DENND2B: variants seen among roughly 807,000 people sequenced by gnomAD.
DENND2B encodes the protein DENN domain-containing protein 2B.
In DENND2B, 32 loss-of-function variants were observed where a neutral mutation model predicts 116.0. That is an observed-to-expected ratio of 0.28 (90% CI 0.21 to 0.37). The LOEUF (loss-of-function observed/expected upper bound fraction) is 0.37. Among genes scored for constraint, DENND2B ranks in the 10% least tolerant of loss-of-function variants. DENND2B has a pLI of 1.00. For missense variants in DENND2B, 1,276 were observed against 1,477.7 expected, an observed-to-expected ratio of 0.86 and a Z score of 2.24; for synonymous variants, 588 against 583.9, an observed-to-expected ratio of 1.01 and a Z score of -0.10.
At chr11:8,725,823 ATGT>A (rs2046998430) in intron 4 of DENND2B, among the ~76,000 whole-genome samples, 2 of 152,180 alleles carry the variant, frequency 1.3e-5, no homozygotes, top group Non-Finnish European at 2.9e-5. Flanking sequence ...GAAAGGAATG[ATGT>A]TGTTTTCTCC....
chr11:8,764,535 CCA>C (rs1334151774), intron 1 of DENND2B, among the ~76,000 whole-genome samples: 3 of 152,160 alleles, frequency 2.0e-5, no homozygotes, highest in Non-Finnish European at 4.4e-5. Context: ...GCAGCAGACC[CCA>C]GAGTCTGGAG....
intron 2 of DENND2B, among the ~76,000 whole-genome samples, chr11:8,743,641 G>A (rs2050672010): frequency 6.6e-6 from 1 of 152,122 alleles, no homozygotes; most frequent in African/African-American, 2.4e-5. Context: ...TTATGAGTGG[G>A]TCCTGTAAAT....
chr11:8,725,949 G>A (rs909872731), intron 4 of DENND2B, 124 bp downstream of exon 4: 32 of 1,391,482 alleles, frequency 2.3e-5, no homozygotes, highest in South Asian at 1.6e-4. Flanking sequence ...CATTCCAGGA[G>A]GAGTTCCAGA....
At chr11:8,901,174 G>A (rs1013813270) in intron 1 of DENND2B, among the ~76,000 whole-genome samples, 4 of 148,372 alleles carry the variant, frequency 2.7e-5, no homozygotes. Flanking sequence ...CTTCCTTTGG[G>A]TTTAGTTTGT....
intron 2 of DENND2B, among the ~76,000 whole-genome samples, chr11:8,863,661 T>C (rs1419846910): frequency 6.6e-6 from 1 of 152,190 alleles, no homozygotes; most frequent in Non-Finnish European, 1.5e-5. Flanking sequence ...ATATTGCTGA[T>C]TAACTGGACA....
At chr11:8,871,776 T>C (rs2063785806), upstream of DENND2B, among the ~76,000 whole-genome samples, 1 of 152,214 alleles carries the variant, frequency 6.6e-6, no homozygotes, top group Non-Finnish European at 1.5e-5. Flanking sequence ...GGGTGCCATT[T>C]AATAATAAAG....
upstream of DENND2B, chr11:8,811,074 T>C (rs373409547): frequency 2.6e-6 from 1 of 387,540 alleles, no homozygotes; most frequent in Non-Finnish European, 4.6e-6. Context: ...GGGAGGGAGC[T>C]AGCTGAAGCG....
intron 3 of DENND2B, among the ~76,000 whole-genome samples, chr11:8,841,752 C>A (rs1431146787): frequency 3.3e-5 from 5 of 152,214 alleles, no homozygotes; most frequent in African/African-American, 1.2e-4. Context: ...CCCACTTCTT[C>A]CGAACCACCA....
At chr11:8,822,860 G>A (rs1008330560) in intron 4 of DENND2B, among the ~76,000 whole-genome samples, 4 of 152,176 alleles carry the variant, frequency 2.6e-5, no homozygotes, top group African/African-American at 9.6e-5. Flanking sequence ...TACATAGCAA[G>A]TGCTCAAAAA....
chr11:8,725,966 G>C (rs1459882229), intron 4 of DENND2B, 107 bp downstream of exon 4: 1 of 1,537,856 alleles, frequency 6.5e-7, no homozygotes, highest in African/African-American at 1.4e-5. Flanking sequence ...CAGAAGGTGG[G>C]ACCATGCCTG....
In DENND2B at chr11:8,695,456, C is replaced by T. The variant is rs2270956; in HGVS notation, c.3379+7G>A. 0.45 allele frequency: 726,683 copies of T among 1,609,420 alleles called. 168,546 individuals are homozygous for T. The highest frequency in any genetic ancestry group is 0.47 in the Non-Finnish European group (558,352 of 1,176,522). On this transcript the variant is annotated splice_region_variant and intron_variant, in intron 19 of 19. Transcript: ENST00000313726. Reference sequence around the variant, plus strand: ...ACATCTATCTCATCAGTAACAAGGCCACTTACCCAAACCTCGGAGAAACTT... The same window carrying T: ...ACATCTATCTCATCAGTAACAAGGCTACTTACCCAAACCTCGGAGAAACTT...
At chr11:8,826,515 A>G (rs1424515365) in intron 4 of DENND2B, among the ~76,000 whole-genome samples, 2 of 152,228 alleles carry the variant, frequency 1.3e-5, no homozygotes, top group Non-Finnish European at 2.9e-5. Flanking sequence ...GGATATAGAC[A>G]TACCAGCTTA....
rs746576468 is a variant in DENND2B, at chr11:8,731,187, G to C, written c.103C>G (p.Pro35Ala). Reference protein sequence around the residue: ...LSRSQSVSPPPVLSPPRSPIY... With the variant: ...LSRSQSVSPPAVLSPPRSPIY... ...GGACTCCTTGGTGGGGAGAGAACTG[G>C]AGGTGGAGAGACTGACTGAGACCTG... The change falls in exon 3 of 20, where the codon CCA (proline) becomes GCA (alanine). Residue 35 changes from proline to alanine, a missense_variant. By Grantham distance (27) the Pro-to-Ala change is conservative. Transcript: ENST00000313726. 6.6e-7 allele frequency: 1 copy of C among 1,514,562 alleles called. No individual in the cohort carries two copies. Among genetic ancestry groups the C allele is most frequent in the South Asian group, 1.3e-5 (1 of 74,926 alleles). 93.8% of individuals were successfully genotyped at this position (1,514,562 alleles called of 1,614,324 possible). A position where few individuals can be genotyped will look rare whatever the true frequency, so the allele number is the denominator to read the frequency against.
Position 8,730,307 on chromosome 11 carries a change from C to T in DENND2B, c.983G>A (p.Gly328Glu). Residue 328 changes from glycine (G) to glutamate (E), a missense_variant, in exon 3 of 20, where the codon GGG (glycine) becomes GAG (glutamate). Gly to Glu is a moderately conservative substitution (Grantham distance 98). This residue lies in a region of DENND2B where 856 missense variants were observed against 846.6 expected (regional missense o/e 1.01). Coordinates refer to ENST00000313726, the MANE Select transcript of DENND2B (RefSeq NM_213618.2). The surrounding 1 kb of genome is among the most constrained non-coding windows in gnomAD (Gnocchi z 4.1). ...GCTGCCAGCGCTCACACTCGCGCCC[C>T]CTGCCGGCTCCTCCAAGGAGCCCAA... is the stretch of plus-strand genomic sequence containing the variant. ...GTLGSLEEPA[G>E]GASVSAGSRA... 1 of 1,602,768 alleles carries T rather than the reference C, an allele frequency of 6.2e-7. No individual in the cohort carries two copies. The highest frequency in any genetic ancestry group is 8.5e-7 in the Non-Finnish European group (1 of 1,177,284).
intron 3 of DENND2B, among the ~76,000 whole-genome samples, chr11:8,841,055 T>C (rs185498692): frequency 6.6e-6 from 1 of 152,164 alleles, no homozygotes; most frequent in Non-Finnish European, 1.5e-5. Flanking sequence ...ATTCCCAAAC[T>C]GACAAATATC....
intron 1 of DENND2B, among the ~76,000 whole-genome samples, chr11:8,900,920 G>T (rs1489820575): frequency 6.6e-6 from 1 of 151,750 alleles, no homozygotes; most frequent in South Asian, 2.1e-4. Flanking sequence ...AGTGAGCCGA[G>T]ATCATGCCAT....
chr11:8,853,089 C>T (rs766851083), intron 3 of DENND2B, among the ~76,000 whole-genome samples: 6 of 152,174 alleles, frequency 3.9e-5, no homozygotes, highest in African/African-American at 4.8e-5. Context: ...TTCGGCCAGG[C>T]GCGGTGGCTC....
intron 13 of DENND2B, among the ~76,000 whole-genome samples, chr11:8,705,426 G>A (rs1428239765): frequency 2.6e-5 from 4 of 152,046 alleles, no homozygotes; most frequent in African/African-American, 4.8e-5. Context: ...TCCGGATCAC[G>A]GCTTCCTTTT....
chr11:8,758,960 AC>A (rs535893658), intron 1 of DENND2B, among the ~76,000 whole-genome samples: 39 of 150,894 alleles, frequency 2.6e-4, no homozygotes, highest in African/African-American at 8.8e-4. Context: ...GCTGCTTGAA[AC>A]CCCCATCAAT....
Sources: gnomAD v4.1 joint callset for allele counts (sites outside exome capture counted in the v4.1 genomes callset) on GRCh38, gnomAD v4.1.1 for gene constraint, gnomAD v4.1.1 regional missense constraint, Gnocchi (gnomAD v3.1) non-coding constraint, MANE v1.5 for transcripts, NCBI Gene and HGNC (gene_info 2026-07-23, HGNC 2026-07-21) for gene names.